NIPSNAP1: variants seen among roughly 807,000 people sequenced by gnomAD.
The protein encoded by NIPSNAP1 is protein NipSnap homolog 1.
A neutral mutation model predicts 49.2 loss-of-function variants in NIPSNAP1; 25 were observed. The observed-to-expected ratio is 0.51, with a 90% CI of 0.37 to 0.71. The LOEUF (loss-of-function observed/expected upper bound fraction) is 0.71. Ranked by LOEUF, NIPSNAP1 falls within the 30% of genes least tolerant of loss-of-function variation. The probability of loss-of-function intolerance (pLI) is 0.00; values close to 1 mark genes in which losing one functional copy is unlikely to be tolerated. For synonymous variants in NIPSNAP1, 143 were observed against 140.7 expected, an observed-to-expected ratio of 1.02 and a Z score of -0.12; for missense variants, 294 against 361.0, an observed-to-expected ratio of 0.81 and a Z score of 1.50.
chr22:29,562,959 C>T (rs554038990), intron 4 of NIPSNAP1, among the ~76,000 whole-genome samples: 5 of 150,776 alleles, frequency 3.3e-5, no homozygotes, highest in South Asian at 4.2e-4. Context: ...ATTAGCCAGG[C>T]GTGGTGGCGG....
In NIPSNAP1 at chr22:29,555,537, C is replaced by T. The variant is rs952265233; in HGVS notation, c.*398G>A. The T allele has an allele frequency of 4.2e-6, 1 of 239,500 alleles. No homozygotes were observed. The highest frequency in any genetic ancestry group is 2.2e-5 in the African/African-American group (1 of 45,086). The allele number at this position is 239,500 out of a possible 1,614,324, so 14.8% of individuals were successfully genotyped here. A position where few individuals can be genotyped will look rare whatever the true frequency, so the allele number is the denominator to read the frequency against. Reference sequence around the variant, plus strand: ...ATTCCTGAGGGCCTGGCCTGGCCTCCTCTCTTCCCACCCCACCTCTAGCCA... The same window carrying T: ...ATTCCTGAGGGCCTGGCCTGGCCTCTTCTCTTCCCACCCCACCTCTAGCCA... On this transcript the variant is annotated 3_prime_UTR_variant, in exon 10 of 10. Coordinates refer to ENST00000216121, the MANE Select transcript of NIPSNAP1 (RefSeq NM_003634.4).
intron 4 of NIPSNAP1, among the ~76,000 whole-genome samples, chr22:29,568,118 C>G (rs1305714170): frequency 7.0e-6 from 1 of 142,144 alleles, no homozygotes; most frequent in Non-Finnish European, 1.5e-5. Context: ...AATTGAGGCT[C>G]GAGTGAGCCA....
At position 29,572,302 on chromosome 22, in the gene NIPSNAP1, CAAA is replaced by C. The variant is rs695769; in HGVS notation, c.99-1773_99-1771del. On this transcript the variant is annotated intron_variant, in intron 1 of 9. Coordinates refer to ENST00000216121, the MANE Select transcript of NIPSNAP1 (RefSeq NM_003634.4). The stretch of plus-strand genomic sequence containing the variant: ...TGGGCAACAGAGCGAGAATCCATCT[CAAA>C]AAAAAAAAAAAAAAAAAGGACAAAT... Among the ~76,000 whole-genome samples, 100 of 71,054 alleles carry C rather than the reference CAAA, an allele frequency of 1.4e-3. 1 individual carries two copies. In the South Asian group the frequency reaches 0.028, roughly 20 times the overall value. The allele number at this position is 71,054 out of a possible 152,430, so 46.6% of individuals were successfully genotyped here. A position where few individuals can be genotyped will look rare whatever the true frequency, so the allele number is the denominator to read the frequency against.
chr22:29,558,332 G>T (rs2064310120), intron 9 of NIPSNAP1, among the ~76,000 whole-genome samples: 1 of 151,950 alleles, frequency 6.6e-6, no homozygotes, highest in African/African-American at 2.4e-5. Context: ...AGCTGGACAT[G>T]GTGACACACG....
chr22:29,556,084 T>C, intron 9 of NIPSNAP1, 85 bp from the exon 10 acceptor site: 4 of 1,219,974 alleles, frequency 3.3e-6, no homozygotes, highest in Non-Finnish European at 4.7e-6. Flanking sequence ...TGCTGGCCTT[T>C]GAGTGGGCAG....
intron 1 of NIPSNAP1, among the ~76,000 whole-genome samples, chr22:29,572,261 C>G (rs142796048): frequency 3.8e-3 from 507 of 134,772 alleles, no homozygotes; most frequent in African/African-American, 0.013. Context: ...CAAGATCGCA[C>G]CATCACACTC....
intron 4 of NIPSNAP1, among the ~76,000 whole-genome samples, chr22:29,562,574 C>T (rs1475549462): frequency 6.6e-6 from 1 of 152,064 alleles, no homozygotes; most frequent in African/African-American, 2.4e-5. Context: ...GCCTGTAATC[C>T]CAGCTACTTG....
At position 29,555,360 on chromosome 22, in the gene NIPSNAP1, C is replaced by T. The variant is rs1192187616; in HGVS notation, c.*575G>A. ...CTGGCTCCCATCCCTTTCCCCAGCCCCTCTGGGCAGAATGTCTGAACCTCC... is the reference window on the plus strand; with the variant it reads ...CTGGCTCCCATCCCTTTCCCCAGCCTCTCTGGGCAGAATGTCTGAACCTCC... On this transcript the variant is annotated 3_prime_UTR_variant, in exon 10 of 10. Coordinates refer to ENST00000216121, the MANE Select transcript of NIPSNAP1 (RefSeq NM_003634.4). The T allele has an allele frequency of 6.5e-6, 1 of 154,654 alleles. No homozygotes were observed. The highest frequency in any genetic ancestry group is 1.4e-5 in the Non-Finnish European group (1 of 69,334). The allele number at this position is 154,654 out of a possible 1,614,324, so 9.6% of individuals were successfully genotyped here. A position where few individuals can be genotyped will look rare whatever the true frequency, so the allele number is the denominator to read the frequency against.
intron 4 of NIPSNAP1, among the ~76,000 whole-genome samples, chr22:29,566,398 G>C (rs886850501): frequency 2.0e-5 from 3 of 151,944 alleles, no homozygotes; most frequent in African/African-American, 7.3e-5. Flanking sequence ...ATTCAATCAC[G>C]GCCTCGAACT....
intron 1 of NIPSNAP1, among the ~76,000 whole-genome samples, chr22:29,577,800 T>G (rs1252995895): frequency 1.3e-5 from 2 of 150,810 alleles, no homozygotes; most frequent in South Asian, 2.1e-4. Context: ...TGGCGCGATC[T>G]TGGCTCACTG....
intron 1 of NIPSNAP1, chr22:29,580,123 A>G (rs534565217): frequency 1.5e-6 from 2 of 1,304,210 alleles, no homozygotes; most frequent in South Asian, 2.5e-5. Context: ...TTCCTTGACC[A>G]TACACAGTCC....
intron 4 of NIPSNAP1, among the ~76,000 whole-genome samples, chr22:29,568,150 G>A (rs2064380209): frequency 8.0e-6 from 1 of 124,638 alleles, no homozygotes; most frequent in Admixed American, 1.0e-4. Context: ...CTGCACTCCA[G>A]CCTGTGTGAC....
At chr22:29,566,088 A>G (rs468254) in intron 4 of NIPSNAP1, among the ~76,000 whole-genome samples, 129,511 of 152,052 alleles carry the variant, frequency 0.85, 55,870 homozygotes, top group African/African-American at 0.96. Context: ...GCCTGTGTGT[A>G]TATGAGTGAG....
intron 4 of NIPSNAP1, chr22:29,564,121 G>A (rs111653721): frequency 2.4e-5 from 7 of 296,850 alleles, no homozygotes; most frequent in Non-Finnish European, 2.7e-5. Flanking sequence ...GCCCATCAGC[G>A]GAGGAAGGTC....
chr22:29,555,803 T>G lies in NIPSNAP1; in HGVS notation c.*132A>C. On this transcript the variant is annotated 3_prime_UTR_variant, in exon 10 of 10. Coordinates refer to ENST00000216121, the MANE Select transcript of NIPSNAP1 (RefSeq NM_003634.4). ...AACTTGTCAGCCTTCAGTTCCCCCTTGTCTGAACTGAGCACTGCCCCTCAG... is the reference window on the plus strand; with the variant it reads ...AACTTGTCAGCCTTCAGTTCCCCCTGGTCTGAACTGAGCACTGCCCCTCAG... The G allele has an allele frequency of 2.5e-6, 2 of 802,112 alleles. No individual in the cohort carries two copies. Among genetic ancestry groups the G allele is most frequent in the Non-Finnish European group, 4.3e-6 (2 of 465,106 alleles). The allele number at this position is 802,112 out of a possible 1,614,324, so 49.7% of individuals were successfully genotyped here. A position where few individuals can be genotyped will look rare whatever the true frequency, so the allele number is the denominator to read the frequency against.
chr22:29,580,775 C>T (rs2064491871), intron 1 of NIPSNAP1, among the ~76,000 whole-genome samples: 1 of 152,102 alleles, frequency 6.6e-6, no homozygotes, highest in Non-Finnish European at 1.5e-5. Flanking sequence ...CCATCACAGC[C>T]CGGTCCCAAC....
At chr22:29,562,811 A>G (rs2064344895) in intron 4 of NIPSNAP1, among the ~76,000 whole-genome samples, 1 of 150,992 alleles carries the variant, frequency 6.6e-6, no homozygotes, top group Non-Finnish European at 1.5e-5. Context: ...AATTTATAAA[A>G]ATCCTGGGCC....
At chr22:29,570,848 A>T (rs1303212818) in intron 1 of NIPSNAP1, among the ~76,000 whole-genome samples, 1 of 151,986 alleles carries the variant, frequency 6.6e-6, no homozygotes, top group Non-Finnish European at 1.5e-5. Context: ...TACTTGGGTC[A>T]TATAACTCCA....
At position 29,581,056 on chromosome 22, in the gene NIPSNAP1, A is replaced by T; in HGVS notation, c.27T>A (p.Ser9=). Reference sequence around the variant, plus strand: ...CCCCCAGCAGCCGCCGCGCCGTCACAGAGATGCTGCACAGCCGCGGAGCCA... The same window carrying T: ...CCCCCAGCAGCCGCCGCGCCGTCACTGAGATGCTGCACAGCCGCGGAGCCA... MAPRLCSI[S]VTARRLLGGP... The change falls in exon 1 of 10, where the codon TCT becomes TCA. Residue 9 remains serine (S), a synonymous_variant. Transcript: ENST00000216121. 2 of 1,540,700 alleles carry T rather than the reference A, an allele frequency of 1.3e-6. No homozygotes were observed. Among genetic ancestry groups the T allele is most frequent in the Middle Eastern group, 2.0e-4 (1 of 5,048 alleles).
Sources: gnomAD v4.1 joint callset for allele counts (sites outside exome capture counted in the v4.1 genomes callset) on GRCh38, gnomAD v4.1.1 for gene constraint, MANE v1.5 for transcripts, NCBI Gene and HGNC (gene_info 2026-07-23, HGNC 2026-07-21) for gene names.